The following TF variants were observed in gnomAD, a reference collection of about 807,000 sequenced individuals.
TF encodes transferrin.
Under a neutral mutation model 82.4 loss-of-function variants are expected in TF, and 55 were observed. That is an observed-to-expected ratio of 0.67 (90% CI 0.54 to 0.84). TF has a LOEUF of 0.84. Ranked by LOEUF, TF falls within the 40% of genes least tolerant of loss-of-function variation. The pLI is 0.00. For synonymous variants in TF, 332 were observed against 332.6 expected (o/e 1.00, Z 0.02); for missense variants, 737 against 868.4 (o/e 0.85, Z 1.90).
At chr3:133,749,205 A>G (rs912487612) in intron 2 of TF, among the ~76,000 whole-genome samples, 10 of 152,202 alleles carry the variant, frequency 6.6e-5, no homozygotes, top group Non-Finnish European at 1.3e-4. Context: ...AAATTATTAT[A>G]TAACCTTCTT....
chr3:133,764,410 C>T, intron 10 of TF, 135 bp downstream of exon 10: 2 of 729,890 alleles, frequency 2.7e-6, no homozygotes, highest in Non-Finnish European at 4.9e-6. Context: ...ACTTTGCAAG[C>T]TCTGGGCTCC....
At chr3:133,709,094 T>TGGC in the TF span, among the ~76,000 whole-genome samples, 1 of 152,204 alleles carries the variant, frequency 6.6e-6, no homozygotes, top group Non-Finnish European at 1.5e-5. Flanking sequence ...GAATTGATAG[T>TGGC]GGCTGCTGCT....
chr3:133,759,603 G>T (rs568670834), intron 9 of TF, among the ~76,000 whole-genome samples: 2 of 152,266 alleles, frequency 1.3e-5, no homozygotes, highest in South Asian at 4.1e-4. Flanking sequence ...CCATGGTGTG[G>T]GTGTCCTGAG....
the TF span, among the ~76,000 whole-genome samples, chr3:133,727,086 A>G: frequency 7.9e-5 from 12 of 152,116 alleles, no homozygotes; most frequent in Non-Finnish European, 1.5e-4. Flanking sequence ...TATGTGGTCA[A>G]TTTTGGAATA....
the TF span, chr3:133,665,077 G>GTCCT: frequency 8.5e-5 from 13 of 152,172 alleles, no homozygotes; most frequent in Non-Finnish European, 1.6e-4. Flanking sequence ...ACTTTAGGAG[G>GTCCT]CCCAGGCTGG....
chr3:133,697,961 T>A, the TF span, among the ~76,000 whole-genome samples: 1 of 152,092 alleles, frequency 6.6e-6, no homozygotes, highest in Non-Finnish European at 1.5e-5. Context: ...AGTCAGTTAG[T>A]TCTAGGCAAG....
chr3:133,746,307 G>A (rs544302710), upstream of TF: 2 of 1,039,082 alleles, frequency 1.9e-6, no homozygotes, highest in East Asian at 5.2e-5. Flanking sequence ...GGGCAACCCG[G>A]CTGCACAAAC....
rs188256029 is a variant in TF, at chr3:133,794,094, G to A, written c.*15474G>A. On this transcript the variant is annotated 3_prime_UTR_variant, in exon 17 of 17. Transcript: ENST00000402696. Reference sequence around the variant, plus strand: ...ATCAGTGTTATGCACCTAATTTGGGGAAACAACTGGTATTCAAGAGGATAT... The same window carrying A: ...ATCAGTGTTATGCACCTAATTTGGGAAAACAACTGGTATTCAAGAGGATAT... 72 of 152,290 alleles carry A rather than the reference G, an allele frequency of 4.7e-4. No homozygotes were observed. Among genetic ancestry groups the A allele is most frequent in the African/African-American group, 1.5e-3 (62 of 41,552 alleles). 9.4% of individuals were successfully genotyped at this position (152,290 alleles called of 1,614,324 possible).
rs913804145 is a variant in TF, at chr3:133,792,084, A to G, written c.*13464A>G. 3 of 152,210 alleles carry G rather than the reference A, an allele frequency of 2.0e-5. No individual in the cohort carries two copies. The highest frequency in any genetic ancestry group is 7.2e-5 in the African/African-American group (3 of 41,456). 9.4% of individuals were successfully genotyped at this position (152,210 alleles called of 1,614,324 possible). ...GATTTGCAAAATGCTTTAAGGTCAT[A>G]AACCGCTTCTTTGACTTTTAAAAAT... is the stretch of plus-strand genomic sequence containing the variant. On this transcript the variant is annotated 3_prime_UTR_variant, in exon 17 of 17. Transcript: ENST00000402696.
At position 133,775,745 on chromosome 3, in the gene TF, T is replaced by C. The variant is rs41296600; in HGVS notation, c.1872+128T>C. The C allele has an allele frequency of 9.8e-4, 902 of 923,596 alleles. 7 individuals are homozygous for C. The African/African-American group carries it at 0.012, about 12-fold the overall frequency. 57.2% of individuals were successfully genotyped at this position (923,596 alleles called of 1,614,324 possible). A position where few individuals can be genotyped will look rare whatever the true frequency, so the allele number is the denominator to read the frequency against. On this transcript the variant is annotated intron_variant, in intron 15 of 16. Coordinates refer to ENST00000402696, the MANE Select transcript of TF (RefSeq NM_001063.4). The stretch of plus-strand genomic sequence containing the variant: ...TTGAAAACTAGAATTCCATGCATTG[T>C]GCATTTCATGCCATGCATTGTGGAC...
the TF span, among the ~76,000 whole-genome samples, chr3:133,719,141 G>T: frequency 6.6e-6 from 1 of 152,188 alleles, no homozygotes; most frequent in Non-Finnish European, 1.5e-5. Flanking sequence ...CAAATGTATA[G>T]TGATATACAT....
In TF at chr3:133,775,193, T is replaced by C. The variant is rs574462197; in HGVS notation, c.1688-240T>C. ...CTGCAGAATGTAGTTCATTCTCACCTGGCTGGGTAGGGAAGGTTGGAAGGG... is the reference window on the plus strand; with the variant it reads ...CTGCAGAATGTAGTTCATTCTCACCCGGCTGGGTAGGGAAGGTTGGAAGGG... On this transcript the variant is annotated intron_variant, in intron 14 of 16. Coordinates refer to ENST00000402696, the MANE Select transcript of TF (RefSeq NM_001063.4). 22 of 580,848 alleles carry C rather than the reference T, an allele frequency of 3.8e-5. No individual in the cohort carries two copies. In the South Asian group the frequency reaches 4.4e-4, roughly 11 times the overall value. 36.0% of individuals were successfully genotyped at this position (580,848 alleles called of 1,614,324 possible).
rs200899169 is a variant in TF, at chr3:133,775,551, G to A, written c.1806G>A (p.Pro602=). ...CGAACTGCCACCTGGCCAGAGCCCC[G>A]AATCACGCTGTGGTCACACGGAAAG... ...EYANCHLARA[P]NHAVVTRKDK... Residue 602 remains proline (P), a synonymous_variant, in exon 15 of 17, where the codon CCG becomes CCA. Coordinates refer to ENST00000402696, the MANE Select transcript of TF (RefSeq NM_001063.4). The A allele has an allele frequency of 6.2e-6, 10 of 1,614,180 alleles. No individual in the cohort carries two copies. The East Asian group carries it at 8.9e-5, about 14-fold the overall frequency.
chr3:133,757,223 G>A (rs1395448623), intron 7 of TF, among the ~76,000 whole-genome samples: 1 of 152,190 alleles, frequency 6.6e-6, no homozygotes, highest in Admixed American at 6.5e-5. Context: ...TGCCTTTCTG[G>A]CTGGTGACAC....
At chr3:133,693,287 C>T in the TF span, among the ~76,000 whole-genome samples, 98 of 152,314 alleles carry the variant, frequency 6.4e-4, no homozygotes, top group East Asian at 0.012. Flanking sequence ...CCCAGGCCTA[C>T]ATGCCTTAGG....
the TF span, among the ~76,000 whole-genome samples, chr3:133,696,204 C>T: frequency 1.3e-5 from 2 of 152,134 alleles, no homozygotes; most frequent in African/African-American, 2.4e-5. Flanking sequence ...GCAGGAGAAT[C>T]GCTTAAGCCT....
chr3:133,736,168 G>C, the TF span, among the ~76,000 whole-genome samples: 1 of 152,262 alleles, frequency 6.6e-6, no homozygotes, highest in East Asian at 1.9e-4. Context: ...TTAAAGAAAG[G>C]AATTTTCAAC....
the TF span, among the ~76,000 whole-genome samples, chr3:133,695,245 CTTT>C: frequency 6.0e-5 from 6 of 100,310 alleles, no homozygotes; most frequent in South Asian, 6.7e-4. Context: ...GGAGCTGGTT[CTTT>C]TTTTTTTTTT....
At position 133,792,318 on chromosome 3, in the gene TF, C is replaced by T. The variant is rs547641276; in HGVS notation, c.*13698C>T. ...GACAAGTTAGAAAGTCAAAGCATGT[C>T]GTAGATGGTCTGTGTAAGTCATGAA... On this transcript the variant is annotated 3_prime_UTR_variant, in exon 17 of 17. Transcript: ENST00000402696. The T allele has an allele frequency of 2.6e-5, 4 of 152,250 alleles. No homozygotes were observed. Among genetic ancestry groups the T allele is most frequent in the African/African-American group, 4.8e-5 (2 of 41,560 alleles). The allele number at this position is 152,250 out of a possible 1,614,324, so 9.4% of individuals were successfully genotyped here.
Sources: allele counts gnomAD v4.1 joint callset (sites outside exome capture counted in the v4.1 genomes callset), GRCh38; gene constraint gnomAD v4.1.1; transcripts MANE v1.5; gene names NCBI Gene and HGNC (gene_info 2026-07-23, HGNC 2026-07-21).